Variants in ATAD5 observed in about 807,000 individuals in gnomAD.
ATAD5 encodes the protein ATPase family AAA domain containing 5, also known as ATPase family AAA domain-containing protein 5.
Under a neutral mutation model 176.9 loss-of-function variants are expected in ATAD5, and 58 were observed. That is an observed-to-expected ratio of 0.33 (90% CI 0.27 to 0.41). The LOEUF (loss-of-function observed/expected upper bound fraction) is 0.41. Among genes scored for constraint, ATAD5 ranks in the 10% least tolerant of loss-of-function variants. The pLI, the probability that ATAD5 is intolerant of heterozygous loss-of-function variation, is 1.00. For synonymous variants in ATAD5, 640 were observed against 712.6 expected, an observed-to-expected ratio of 0.90 and a Z score of 1.62; for missense variants, 1,789 against 2,094.1, an observed-to-expected ratio of 0.85 and a Z score of 2.84.
intron 3 of ATAD5, among the ~76,000 whole-genome samples, chr17:30,837,755 G>A (rs1395426297): frequency 2.6e-5 from 4 of 152,160 alleles, no homozygotes; most frequent in African/African-American, 9.7e-5. Context: ...TCACATGGTA[G>A]AGAACAGCTA....
chr17:30,889,886 C>CTTTTTTT (rs60266614), intron 19 of ATAD5, among the ~76,000 whole-genome samples: 22 of 95,684 alleles, frequency 2.3e-4, no homozygotes, highest in Middle Eastern at 6.8e-3. Context: ...TCTTTTCTTT[C>CTTTTTTT]TTTTTTTTTT....
intron 14 of ATAD5, among the ~76,000 whole-genome samples, chr17:30,873,042 A>C (rs1908433444): frequency 6.6e-6 from 1 of 152,108 alleles, no homozygotes; most frequent in African/African-American, 2.4e-5. Context: ...TATTTCATAT[A>C]TTATGTCCAG....
At chr17:30,836,120 G>A in intron 2 of ATAD5, 72 bp downstream of exon 2, 1 of 1,260,410 alleles carries the variant, frequency 7.9e-7, no homozygotes, top group Non-Finnish European at 1.1e-6. Context: ...AATGCTTCAA[G>A]TATTGGAGGG....
intron 3 of ATAD5, among the ~76,000 whole-genome samples, chr17:30,840,210 A>C (rs1055566022): frequency 1.3e-5 from 2 of 150,554 alleles, no homozygotes; most frequent in Non-Finnish European, 2.9e-5. Flanking sequence ...AAAAAAAAAA[A>C]AAAAAAAAAC....
intron 7 of ATAD5, among the ~76,000 whole-genome samples, chr17:30,855,973 A>G (rs185217834): frequency 1.3e-5 from 2 of 152,116 alleles, no homozygotes; most frequent in East Asian, 3.9e-4. Flanking sequence ...GCCACTGGCC[A>G]TTCAGTTGAT....
In ATAD5 at chr17:30,890,418, CT is replaced by C. The variant is rs968126768; in HGVS notation, c.4259-2168del. Among the ~76,000 whole-genome samples, 226 of 106,718 alleles carry C rather than the reference CT, an allele frequency of 2.1e-3. 1 individual carries two copies. The highest frequency in any genetic ancestry group is 6.9e-3 in the Admixed American group (68 of 9,834). 70.0% of individuals were successfully genotyped at this position (106,718 alleles called of 152,430 possible). ...AGTACAGCATAATTTCTCTTCTTTT[CT>C]TTTTTTTTTTTTTTTTTTTTGAGAT... is the stretch of plus-strand genomic sequence containing the variant. On this transcript the variant is annotated intron_variant, in intron 19 of 22. Coordinates refer to ENST00000321990, the MANE Select transcript of ATAD5 (RefSeq NM_024857.5).
chr17:30,857,329 C>T (rs1907345133), intron 8 of ATAD5, among the ~76,000 whole-genome samples: 1 of 151,868 alleles, frequency 6.6e-6, no homozygotes, highest in African/African-American at 2.4e-5. Context: ...AGCAATTCTG[C>T]CTCAGCCTCC....
chr17:30,870,067 T>C (rs748705852), intron 14 of ATAD5, among the ~76,000 whole-genome samples: 2 of 152,120 alleles, frequency 1.3e-5, no homozygotes, highest in African/African-American at 2.4e-5. Context: ...TGAGCTGTGA[T>C]TGGGCCACTG....
chr17:30,859,814 T>C, intron 9 of ATAD5, among the ~76,000 whole-genome samples: 1 of 143,636 alleles, frequency 7.0e-6, no homozygotes, highest in African/African-American at 2.5e-5. Context: ...GCCTCAGCCT[T>C]CTAGGTTCCA....
chr17:30,863,144 TGCA>T, intron 10 of ATAD5: 1 of 152,390 alleles, frequency 6.6e-6, no homozygotes, highest in Middle Eastern at 3.4e-3. Context: ...GAGCCATGAT[TGCA>T]CCACTACTCC....
chr17:30,889,981 C>G lies in ATAD5; in HGVS notation c.4258+2609C>G, dbSNP rs181061855. On this transcript the variant is annotated intron_variant, in intron 19 of 22. Coordinates refer to ENST00000321990, the MANE Select transcript of ATAD5 (RefSeq NM_024857.5). ...AGCATGGCTCACTCCAGCTTAATCT[C>G]CTGGACTCGAGCCGTCTTCCGCCCT... Among the ~76,000 whole-genome samples, 17 of 148,106 alleles carry G rather than the reference C, an allele frequency of 1.1e-4. No individual in the cohort carries two copies. The Admixed American group carries it at 1.2e-3, about 10-fold the overall frequency.
At position 30,877,501 on chromosome 17, in the gene ATAD5, TGAA is replaced by T; in HGVS notation, c.3874_3876del (p.Glu1292del). 1 of 1,611,978 alleles carries T rather than the reference TGAA, an allele frequency of 6.2e-7. No individual in the cohort carries two copies. On this transcript the variant is annotated inframe_deletion, in exon 16 of 23. Transcript: ENST00000321990. ...ATTCAAATGTCAAAGACGTTGGAGC[TGAA>T]GAACCCAGCAGAAAAAATGCAACAT... is the stretch of plus-strand genomic sequence containing the variant.
At chr17:30,884,262 TCTC>T (rs1909182982) in intron 18 of ATAD5, among the ~76,000 whole-genome samples, 1 of 150,246 alleles carries the variant, frequency 6.7e-6, no homozygotes, top group African/African-American at 2.5e-5. Context: ...TTCAAGCAAT[TCTC>T]CTGCCTCAGC....
chr17:30,833,379 C>T (rs887573688), intron 1 of ATAD5, among the ~76,000 whole-genome samples: 17 of 152,120 alleles, frequency 1.1e-4, no homozygotes, highest in African/African-American at 3.9e-4. Context: ...AATAATGATA[C>T]TTACCATTTA....
intron 6 of ATAD5, among the ~76,000 whole-genome samples, chr17:30,849,124 G>A (rs966010932): frequency 1.3e-5 from 2 of 152,158 alleles, no homozygotes; most frequent in African/African-American, 4.8e-5. Flanking sequence ...GCCTGCCTCG[G>A]CCTCCCAAAG....
chr17:30,893,942 A>G lies in ATAD5; in HGVS notation c.5089A>G (p.Asn1697Asp), dbSNP rs750922702. ...GLCDEFSLES[N>D]DGWTSQSSGE... ...TTGTGATGAGTTTAGTCTTGAGAGTAATGATGGATGGACTTCTCAAAGCTC... is the reference window on the plus strand; with the variant it reads ...TTGTGATGAGTTTAGTCTTGAGAGTGATGATGGATGGACTTCTCAAAGCTC... Residue 1697 changes from asparagine to aspartate, a missense_variant, in exon 21 of 23, where the codon AAT (asparagine) becomes GAT (aspartate). Physicochemically the swap from Asn to Asp is conservative, Grantham distance 23. Coordinates refer to ENST00000321990, the MANE Select transcript of ATAD5 (RefSeq NM_024857.5). 1.2e-6 allele frequency: 2 copies of G among 1,614,094 alleles called. No individual in the cohort carries two copies. Among genetic ancestry groups the G allele is most frequent in the East Asian group, 4.5e-5 (2 of 44,870 alleles).
At position 30,893,848 on chromosome 17, in the gene ATAD5, T is replaced by C. The variant is rs1284583908; in HGVS notation, c.4995T>C (p.Asp1665=). 2.5e-6 allele frequency: 4 copies of C among 1,613,858 alleles called. No individual in the cohort carries two copies. The highest frequency in any genetic ancestry group is 1.7e-5 in the Admixed American group (1 of 59,984). The change falls in exon 21 of 23, where the codon GAT becomes GAC. Residue 1665 remains aspartate, a synonymous_variant. Coordinates refer to ENST00000321990, the MANE Select transcript of ATAD5 (RefSeq NM_024857.5). ...NMSFLDALLT[D]VREQNKYGRN... is the part of the protein sequence containing the mutation. ...CCTTCTTAGATGCACTTTTAACTGA[T>C]GTAAGGGAACAAAACAAATACGGTA...
At position 30,869,621 on chromosome 17, in the gene ATAD5, T is replaced by TTA. The variant is rs773721394; in HGVS notation, c.3582_3583insTA (p.Ser1195Ter). ...ACTCACAAAAACCCTGTTTTTTTAA[T>TTA]AGCTACTACATAGGCAAGTCACCAA... is the stretch of plus-strand genomic sequence containing the variant. On this transcript the variant is annotated frameshift_variant, in exon 14 of 23. Coordinates refer to ENST00000321990, the MANE Select transcript of ATAD5 (RefSeq NM_024857.5). LOFTEE classifies it high-confidence loss of function. The TTA allele has an allele frequency of 6.2e-7, 1 of 1,601,916 alleles. No individual in the cohort carries two copies. Among genetic ancestry groups the TTA allele is most frequent in the South Asian group, 1.1e-5 (1 of 87,740 alleles).
intron 19 of ATAD5, among the ~76,000 whole-genome samples, chr17:30,891,818 G>A (rs368049800): frequency 1.8e-3 from 281 of 151,940 alleles, no homozygotes; most frequent in African/African-American, 6.4e-3. Context: ...CCCTAATAGC[G>A]GGGGCTACAG....
Sources: allele counts gnomAD v4.1 joint callset (sites outside exome capture counted in the v4.1 genomes callset), GRCh38; gene constraint gnomAD v4.1.1; transcripts MANE v1.5; gene names NCBI Gene and HGNC (gene_info 2026-07-23, HGNC 2026-07-21).